The following CDH13 variants were observed in gnomAD, a reference collection of about 807,000 sequenced individuals.
The protein encoded by CDH13 is cadherin-13.
CDH13 carries 24 observed loss-of-function variants against 63.8 expected under a neutral mutation model. The observed-to-expected ratio is 0.38, with a 90% confidence interval of 0.27 to 0.53. The LOEUF is 0.53. Ranked by LOEUF, CDH13 falls within the 20% of genes least tolerant of loss-of-function variation. The probability of loss-of-function intolerance (pLI) is 0.85; values close to 1 mark genes in which losing one functional copy is unlikely to be tolerated. For missense variants in CDH13, 1,049 were observed against 903.1 expected, an observed-to-expected ratio of 1.16 and a Z score of -2.07; for synonymous variants, 503 against 355.3, an observed-to-expected ratio of 1.42 and a Z score of -4.67.
intron 1 of CDH13, among the ~76,000 whole-genome samples, chr16:82,723,466 G>A (rs2032905284): frequency 6.6e-6 from 1 of 152,276 alleles, no homozygotes; most frequent in East Asian, 1.9e-4. Flanking sequence ...TCTGTGGGAT[G>A]TGGGATGATG....
At chr16:83,714,493 C>T (rs540637393) in intron 10 of CDH13, among the ~76,000 whole-genome samples, 1 of 152,138 alleles carries the variant, frequency 6.6e-6, no homozygotes, top group Non-Finnish European at 1.5e-5. Flanking sequence ...CTGTTTCTGC[C>T]CCACAAAGGA....
At chr16:83,155,330 TCCCTTAAATGG>T (rs1292642657) in intron 4 of CDH13, among the ~76,000 whole-genome samples, 1 of 152,146 alleles carries the variant, frequency 6.6e-6, no homozygotes, top group Non-Finnish European at 1.5e-5. Flanking sequence ...TCCTTGAAAG[TCCCTTAAATGG>T]CCCTTAAATT....
At chr16:83,440,662 G>A (rs76444082) in intron 6 of CDH13, among the ~76,000 whole-genome samples, 4,627 of 151,964 alleles carry the variant, frequency 0.03, 70 homozygotes, top group East Asian at 0.083. Flanking sequence ...GCGCACACCC[G>A]TCGTCCCAGC....
chr16:82,782,769 T>C (rs1157630217), intron 1 of CDH13, among the ~76,000 whole-genome samples: 1 of 152,176 alleles, frequency 6.6e-6, no homozygotes, highest in African/African-American at 2.4e-5. Flanking sequence ...TCTGTCTGCC[T>C]TACTCCCGCT....
intron 10 of CDH13, among the ~76,000 whole-genome samples, chr16:83,745,571 G>T (rs993819474): frequency 6.6e-6 from 1 of 152,126 alleles, no homozygotes; most frequent in Non-Finnish European, 1.5e-5. Context: ...TCGCCATGAG[G>T]CTTGTGGTGA....
At chr16:83,437,052 G>C (rs2072325969) in intron 6 of CDH13, among the ~76,000 whole-genome samples, 1 of 152,098 alleles carries the variant, frequency 6.6e-6, no homozygotes, top group African/African-American at 2.4e-5. Context: ...GGCTGTCCTT[G>C]AGGCATGCTT....
At chr16:83,005,951 G>T (rs550744662) in intron 2 of CDH13, among the ~76,000 whole-genome samples, 2 of 152,166 alleles carry the variant, frequency 1.3e-5, no homozygotes, top group Non-Finnish European at 2.9e-5. Flanking sequence ...GGTTGGTTTT[G>T]TTCACTTGTT....
At chr16:82,698,235 G>T (rs933602331) in intron 1 of CDH13, among the ~76,000 whole-genome samples, 4 of 152,288 alleles carry the variant, frequency 2.6e-5, no homozygotes, top group Middle Eastern at 3.4e-3. Context: ...TTTTCTGCCA[G>T]GTTGGAAGAG....
chr16:83,531,822 G>T (rs1438840439), intron 7 of CDH13, among the ~76,000 whole-genome samples: 1 of 152,120 alleles, frequency 6.6e-6, no homozygotes, highest in Non-Finnish European at 1.5e-5. Flanking sequence ...TGGACTCCTG[G>T]CCTCCAAAAC....
intron 1 of CDH13, among the ~76,000 whole-genome samples, chr16:82,777,262 C>T (rs1027659817): frequency 6.6e-6 from 1 of 152,214 alleles, no homozygotes; most frequent in Non-Finnish European, 1.5e-5. Context: ...AGCCACTGTG[C>T]CCAAAAGTTA....
chr16:82,849,994 G>A (rs2039418006), intron 1 of CDH13, among the ~76,000 whole-genome samples: 1 of 152,180 alleles, frequency 6.6e-6, no homozygotes, highest in African/African-American at 2.4e-5. Context: ...TTTAATGGAG[G>A]TATATAAGGA....
In CDH13 at chr16:83,798,130, G is replaced by C. The variant is rs9928079; in HGVS notation, c.*3100G>C. The C allele has an allele frequency of 6.6e-6, 1 of 152,102 alleles. No homozygotes were observed. The highest frequency in any genetic ancestry group is 2.4e-5 in the African/African-American group (1 of 41,426). The allele number at this position is 152,102 out of a possible 1,614,324, so 9.4% of individuals were successfully genotyped here. Reference sequence around the variant, plus strand: ...TTTGATAGCTCATTCCAGAGTTTCAGAATGTCATTTAAAACAGTCTGATAA... The same window carrying C: ...TTTGATAGCTCATTCCAGAGTTTCACAATGTCATTTAAAACAGTCTGATAA... On this transcript the variant is annotated 3_prime_UTR_variant, in exon 14 of 14. Transcript: ENST00000567109.
intron 1 of CDH13, among the ~76,000 whole-genome samples, chr16:82,774,130 T>TA (rs35249829): frequency 0.17 from 24,724 of 149,808 alleles, 2,450 homozygotes; most frequent in Middle Eastern, 0.26. Context: ...GAATTCTCTT[T>TA]AAAAAAAAAA....
intron 1 of CDH13, chr16:82,824,468 T>C (rs1370291473): frequency 6.6e-6 from 1 of 152,218 alleles, no homozygotes; most frequent in Non-Finnish European, 1.5e-5. Flanking sequence ...TAAATTAATA[T>C]ATCTAGGCAG....
chr16:83,264,344 T>A (rs1597618598), intron 5 of CDH13, among the ~76,000 whole-genome samples: 1 of 152,218 alleles, frequency 6.6e-6, no homozygotes, highest in South Asian at 2.1e-4. Context: ...TTTTTATCAA[T>A]CTCTGACTTT....
chr16:82,665,247 C>T (rs1481159019), intron 1 of CDH13, among the ~76,000 whole-genome samples: 1 of 152,130 alleles, frequency 6.6e-6, no homozygotes, highest in Admixed American at 6.5e-5. Flanking sequence ...GCAGAGTGCT[C>T]TCTAGTGTCT....
chr16:82,754,390 A>C (rs1208310684), intron 1 of CDH13, among the ~76,000 whole-genome samples: 1 of 152,132 alleles, frequency 6.6e-6, no homozygotes, highest in African/African-American at 2.4e-5. Context: ...TATTGTCTCC[A>C]TTTCATTTTA....
At chr16:82,807,262 A>G (rs929839348) in intron 1 of CDH13, among the ~76,000 whole-genome samples, 6 of 152,180 alleles carry the variant, frequency 3.9e-5, no homozygotes, top group South Asian at 2.1e-4. Flanking sequence ...ATCCCTGTGA[A>G]CAAACATTTT....
At chr16:83,222,058 A>C (rs1349677807) in intron 5 of CDH13, among the ~76,000 whole-genome samples, 1 of 152,200 alleles carries the variant, frequency 6.6e-6, no homozygotes, top group African/African-American at 2.4e-5. Context: ...AAATACTCAG[A>C]TGATGGTCTC....
Sources: gnomAD v4.1 joint callset for allele counts (sites outside exome capture counted in the v4.1 genomes callset) on GRCh38, gnomAD v4.1.1 for gene constraint, MANE v1.5 for transcripts, NCBI Gene and HGNC (gene_info 2026-07-23, HGNC 2026-07-21) for gene names.